ANKFN1: variants seen among roughly 807,000 people sequenced by gnomAD.
ANKFN1 encodes ankyrin repeat and fibronectin type-III domain-containing protein 1.
ANKFN1 carries 74 observed loss-of-function variants against 108.7 expected under a neutral mutation model. The ratio of observed to expected loss-of-function variants is 0.68; its 90% confidence interval spans 0.56 to 0.83. ANKFN1 has a LOEUF of 0.83. Ranked by LOEUF, ANKFN1 falls within the 40% of genes least tolerant of loss-of-function variation. The pLI is 0.00. For missense variants in ANKFN1, 1,505 were observed against 1,382.3 expected, an observed-to-expected ratio of 1.09 and a Z score of -1.41; for synonymous variants, 547 against 516.2, an observed-to-expected ratio of 1.06 and a Z score of -0.81.
chr17:56,378,528 A>T (rs566879884), intron 8 of ANKFN1, among the ~76,000 whole-genome samples: 1 of 152,302 alleles, frequency 6.6e-6, no homozygotes, highest in Admixed American at 6.5e-5. Context: ...AATTATTTAT[A>T]TGTTTAATTA....
chr17:56,227,676 A>C (rs1207929628), intron 2 of ANKFN1, among the ~76,000 whole-genome samples: 1 of 152,132 alleles, frequency 6.6e-6, no homozygotes, highest in East Asian at 1.9e-4. Flanking sequence ...ATTCTAGGAT[A>C]CTAAGGAGCA....
chr17:56,262,567 G>GT (rs1036888955), intron 3 of ANKFN1, among the ~76,000 whole-genome samples: 25 of 152,246 alleles, frequency 1.6e-4, no homozygotes, highest in African/African-American at 3.6e-4. Context: ...ATTCCTGCAT[G>GT]TTTTTTTATC....
intron 8 of ANKFN1, among the ~76,000 whole-genome samples, chr17:56,431,449 C>A (rs945764028): frequency 6.6e-6 from 1 of 152,104 alleles, no homozygotes; most frequent in African/African-American, 2.4e-5. Context: ...AGCTTAAATG[C>A]TCAGCAAAGG....
At chr17:56,092,530 T>A (rs1222103998) in intron 4 of ANKFN1, among the ~76,000 whole-genome samples, 1 of 151,084 alleles carries the variant, frequency 6.6e-6, no homozygotes, top group Non-Finnish European at 1.5e-5. Context: ...CACCTCGGCC[T>A]CCCAAAGTGT....
intron 4 of ANKFN1, among the ~76,000 whole-genome samples, chr17:56,065,652 G>C (rs922057024): frequency 2.0e-5 from 3 of 152,172 alleles, no homozygotes; most frequent in African/African-American, 7.2e-5. Flanking sequence ...GGCCCAAAGA[G>C]AGGAAGAGAG....
At chr17:56,410,802 C>T (rs1311601556) in intron 8 of ANKFN1, among the ~76,000 whole-genome samples, 1 of 151,936 alleles carries the variant, frequency 6.6e-6, no homozygotes, top group Non-Finnish European at 1.5e-5. Context: ...TATATTATTC[C>T]TAGCATCTTT....
At chr17:56,504,120 G>A (rs2051474125) in intron 20 of ANKFN1, among the ~76,000 whole-genome samples, 1 of 152,208 alleles carries the variant, frequency 6.6e-6, no homozygotes, top group African/African-American at 2.4e-5. Context: ...CCCACTCTAA[G>A]CAATAGGTTC....
At chr17:56,076,735 G>T (rs184641849) in intron 4 of ANKFN1, among the ~76,000 whole-genome samples, 1 of 152,026 alleles carries the variant, frequency 6.6e-6, no homozygotes, top group South Asian at 2.1e-4. Flanking sequence ...TGCAACCAGC[G>T]TACTATTTGA....
chr17:56,299,600 G>A (rs2044615681), intron 3 of ANKFN1, among the ~76,000 whole-genome samples: 1 of 152,090 alleles, frequency 6.6e-6, no homozygotes, highest in Admixed American at 6.6e-5. Context: ...ATCAATCTGG[G>A]CTTTGAATCA....
chr17:56,142,292 C>T (rs1425137972), intron 4 of ANKFN1, among the ~76,000 whole-genome samples: 1 of 152,186 alleles, frequency 6.6e-6, no homozygotes, highest in Non-Finnish European at 1.5e-5. Context: ...CACACAAATG[C>T]TGCTCTGATA....
Position 56,078,502 on chromosome 17 carries a change from A to G in ANKFN1, c.288+32177A>G, listed in dbSNP as rs566894500. Among the ~76,000 whole-genome samples the G allele has an allele frequency of 2.5e-4, 38 of 152,298 alleles. 1 individual carries two copies. In the South Asian group the frequency reaches 7.5e-3, roughly 30 times the overall value. ...ATCCACATACCTTTGTTAGCTGTCC[A>G]TAGTCTTTGCGTATATTGTGTCTTT... On this transcript the variant is annotated intron_variant, in intron 4 of 12. Coordinates refer to the ANKFN1 transcript ENST00000635860.
At chr17:56,302,365 A>G (rs929029402) in intron 3 of ANKFN1, among the ~76,000 whole-genome samples, 7 of 152,038 alleles carry the variant, frequency 4.6e-5, no homozygotes, top group African/African-American at 1.7e-4. Context: ...TCTCTACAAA[A>G]AATTAAAAAC....
chr17:56,346,578 C>A (rs2046106047), intron 4 of ANKFN1, among the ~76,000 whole-genome samples: 1 of 151,800 alleles, frequency 6.6e-6, no homozygotes, highest in Admixed American at 6.6e-5. Flanking sequence ...AGCCATTTTT[C>A]TTGAATAAAG....
At chr17:56,427,076 C>G (rs889644801) in intron 8 of ANKFN1, among the ~76,000 whole-genome samples, 1 of 152,202 alleles carries the variant, frequency 6.6e-6, no homozygotes, top group Non-Finnish European at 1.5e-5. Context: ...GGGAAGAAGA[C>G]TGGGGCTGGC....
rs183030057 is a variant in ANKFN1, at chr17:56,391,943, C to A, written c.910+17229C>A. On this transcript the variant is annotated intron_variant, in intron 8 of 20. Transcript: ENST00000682825. The stretch of plus-strand genomic sequence containing the variant: ...TATTTACTCATTAACAATTTAGTGA[C>A]AGCTATTACGTGTCAGACTGTATTC... 6.6e-5 allele frequency among the ~76,000 whole-genome samples: 10 copies of A among 152,212 alleles called. No homozygotes were observed. The East Asian group carries it at 1.9e-3, about 29-fold the overall frequency.
At chr17:56,426,850 A>T (rs1235103032) in intron 8 of ANKFN1, among the ~76,000 whole-genome samples, 1 of 152,210 alleles carries the variant, frequency 6.6e-6, no homozygotes, top group Non-Finnish European at 1.5e-5. Context: ...AGCCAGTCTG[A>T]TCATCACAAA....
At chr17:56,351,349 A>T (rs2046242002) in intron 5 of ANKFN1, among the ~76,000 whole-genome samples, 1 of 152,010 alleles carries the variant, frequency 6.6e-6, no homozygotes. Context: ...TATACCACAC[A>T]TTCTTTCCAA....
chr17:56,480,612 G>T, intron 16 of ANKFN1, 56 bp from the exon 17 acceptor site: 1 of 1,574,946 alleles, frequency 6.3e-7, no homozygotes, highest in South Asian at 1.1e-5. Context: ...AGAAAGTTCT[G>T]AGCTGTGTTC....
At chr17:56,320,997 A>G (rs531888482) in intron 3 of ANKFN1, among the ~76,000 whole-genome samples, 2 of 151,994 alleles carry the variant, frequency 1.3e-5, no homozygotes, top group Non-Finnish European at 2.9e-5. Flanking sequence ...TGAAAGGTCA[A>G]TTGGTGCTTA....
Sources: gnomAD v4.1 joint callset for allele counts (sites outside exome capture counted in the v4.1 genomes callset) on GRCh38, gnomAD v4.1.1 for gene constraint, MANE v1.5 for transcripts, NCBI Gene and HGNC (gene_info 2026-07-23, HGNC 2026-07-21) for gene names.